Variants in KIF1B observed in about 807,000 individuals in gnomAD.
KIF1B encodes the protein kinesin family member 1B.
In KIF1B, 76 loss-of-function variants were observed where a neutral mutation model predicts 241.9. The ratio of observed to expected loss-of-function variants is 0.31; its 90% confidence interval spans 0.26 to 0.38. The LOEUF (loss-of-function observed/expected upper bound fraction) is 0.38, where lower values mean the gene tolerates loss of function less well. Ranked by LOEUF, KIF1B falls within the 10% of genes least tolerant of loss-of-function variation. The probability of loss-of-function intolerance (pLI) is 1.00; values close to 1 mark genes in which losing one functional copy is unlikely to be tolerated. For synonymous variants in KIF1B, 750 were observed against 796.7 expected, an observed-to-expected ratio of 0.94 and a Z score of 0.99; for missense variants, 1,622 against 2,271.4, an observed-to-expected ratio of 0.71 and a Z score of 5.81.
chr1:10,379,226 A>C lies in KIF1B; in HGVS notation c.*2639A>C, dbSNP rs1388094651. The C allele has an allele frequency of 4.3e-6, 1 of 232,216 alleles. No individual in the cohort carries two copies. Among genetic ancestry groups the C allele is most frequent in the Non-Finnish European group, 8.5e-6 (1 of 117,218 alleles). The allele number at this position is 232,216 out of a possible 1,614,324, so 14.4% of individuals were successfully genotyped here. On this transcript the variant is annotated 3_prime_UTR_variant, in exon 49 of 49. Coordinates refer to ENST00000676179, the MANE Select transcript of KIF1B (RefSeq NM_001365951.3). Reference sequence around the variant, plus strand: ...TGAAATTATGTGATACACTGAAATGACTTTTGTTTTTCTTCTAACTCATAC... The same window carrying C: ...TGAAATTATGTGATACACTGAAATGCCTTTTGTTTTTCTTCTAACTCATAC...
At chr1:10,299,029 T>C (rs917515029) in intron 22 of KIF1B, 16 of 145,856 alleles carry the variant, frequency 1.1e-4, no homozygotes, top group African/African-American at 3.8e-4. Context: ...GCATGGCCCC[T>C]GCGCAAGGAT....
rs1226609313 is a variant in KIF1B, at chr1:10,282,386, C to A, written c.1287C>A (p.Gly429=). 2 of 1,614,074 alleles carry A rather than the reference C, an allele frequency of 1.2e-6. No homozygotes were observed. Among genetic ancestry groups the A allele is most frequent in the Non-Finnish European group, 1.7e-6 (2 of 1,180,028 alleles). ...YLLASENQRP[G]HFSTASMGSL... is the part of the protein sequence containing the mutation. ...TAGCCTCTGAGAATCAACGCCCTGG[C>A]CATTTTTCCACAGCATCCATGGGGT... The change falls in exon 15 of 49, where the codon GGC becomes GGA. Residue 429 remains glycine, a synonymous_variant. Coordinates refer to ENST00000676179, the MANE Select transcript of KIF1B (RefSeq NM_001365951.3).
chr1:10,232,092 AC>A lies in KIF1B; in HGVS notation c.-79-157del, dbSNP rs1646990947. ...AAGACCCCATCTCTTAAAAAACAAA[AC>A]AAAACAAAACAAAAGATTTGCACGG... On this transcript the variant is annotated intron_variant, in intron 1 of 48. Coordinates refer to ENST00000676179, the MANE Select transcript of KIF1B (RefSeq NM_001365951.3). Among the ~76,000 whole-genome samples the A allele has an allele frequency of 1.3e-5, 2 of 152,128 alleles. 1 individual carries two copies. Among genetic ancestry groups the A allele is most frequent in the African/African-American group, 4.8e-5 (2 of 41,428 alleles).
At chr1:10,276,292 G>A (rs757632558) in intron 11 of KIF1B, 29 bp from the exon 12 acceptor site, 4 of 1,523,456 alleles carry the variant, frequency 2.6e-6, no homozygotes, top group Middle Eastern at 1.7e-4. Context: ...AAATGAGTGT[G>A]ATTTGATACT....
intron 1 of KIF1B, among the ~76,000 whole-genome samples, chr1:10,212,858 A>C (rs1646710084): frequency 6.9e-6 from 1 of 144,396 alleles, no homozygotes; most frequent in Non-Finnish European, 1.5e-5. Context: ...AAAAATGTGT[A>C]TATATATATG....
At chr1:10,334,191 C>T (rs574304877) in intron 27 of KIF1B, among the ~76,000 whole-genome samples, 2 of 148,664 alleles carry the variant, frequency 1.3e-5, no homozygotes, top group African/African-American at 2.5e-5. Context: ...TGAATGGGCT[C>T]CTCCTCCAAC....
intron 44 of KIF1B, 34 bp from the exon 45 acceptor site, chr1:10,371,107 T>A: frequency 6.2e-7 from 1 of 1,614,150 alleles, no homozygotes; most frequent in Non-Finnish European, 8.5e-7. Flanking sequence ...TTTTTTCAGC[T>A]GAATGTAACT....
chr1:10,243,697 A>G (rs993184590), intron 2 of KIF1B, among the ~76,000 whole-genome samples: 15 of 152,198 alleles, frequency 9.9e-5, no homozygotes, highest in Admixed American at 4.6e-4. Flanking sequence ...AGAGCATATC[A>G]CCTCTCACAA....
At position 10,359,003 on chromosome 1, in the gene KIF1B, G is replaced by A. The variant is rs539961392; in HGVS notation, c.4056-1926G>A. On this transcript the variant is annotated intron_variant, in intron 38 of 48. Coordinates refer to ENST00000676179, the MANE Select transcript of KIF1B (RefSeq NM_001365951.3). ...CTTGACCCACACTCACTGCCTCAAA[G>A]ACTAGACATTTGAGAGAGTATTAAG... is the stretch of plus-strand genomic sequence containing the variant. 7.2e-5 allele frequency among the ~76,000 whole-genome samples: 11 copies of A among 152,286 alleles called. No homozygotes were observed. In the South Asian group the frequency reaches 2.3e-3, roughly 32 times the overall value.
At chr1:10,223,525 T>G (rs929040906) in intron 1 of KIF1B, among the ~76,000 whole-genome samples, 14 of 136,966 alleles carry the variant, frequency 1.0e-4, no homozygotes, top group Admixed American at 3.8e-4. Context: ...TGCAAGGTGG[T>G]TTTTTTTTTT....
intron 22 of KIF1B, chr1:10,305,722 G>GT (rs1332740311): frequency 9.5e-7 from 1 of 1,057,240 alleles, no homozygotes; most frequent in Non-Finnish European, 1.1e-6. Context: ...ATGATTTATT[G>GT]TATCAATACC....
At position 10,304,228 on chromosome 1, in the gene KIF1B, G is replaced by A; in HGVS notation, c.2115+6982G>A. The A allele has an allele frequency of 2.5e-6, 4 of 1,614,196 alleles. No homozygotes were observed. The South Asian group carries it at 4.4e-5, about 18-fold the overall frequency. ...AAAAGGGGGTAAAGGAGCTTTTAAG[G>A]ATCCCCAGTTTCCATGGGGCTCTCA... On this transcript the variant is annotated intron_variant, in intron 22 of 48. Transcript: ENST00000676179.
Position 10,297,056 on chromosome 1 carries a change from T to G in KIF1B, c.2021T>G (p.Met674Arg). The G allele has an allele frequency of 6.2e-7, 1 of 1,613,918 alleles. No individual in the cohort carries two copies. Among genetic ancestry groups the G allele is most frequent in the Non-Finnish European group, 8.5e-7 (1 of 1,179,984 alleles). Residue 674 changes from methionine to arginine, a missense_variant, in exon 21 of 49, where the codon ATG (methionine) becomes AGG (arginine). Coordinates refer to ENST00000676179, the MANE Select transcript of KIF1B (RefSeq NM_001365951.3). ...CTTCTGGAAAAACAAGGAATTGATA[T>G]GAAACAAGAGATGGAGAAAAGGTAA... ...RELLEKQGIDMKQEMEKRLQE... is the reference protein window; with the variant it reads ...RELLEKQGIDRKQEMEKRLQE...
chr1:10,229,816 G>A (rs1158971093), intron 1 of KIF1B, among the ~76,000 whole-genome samples: 6 of 140,166 alleles, frequency 4.3e-5, no homozygotes, highest in East Asian at 2.1e-4. Context: ...AGCCGAGATC[G>A]CGCCACTGCA....
intron 27 of KIF1B, among the ~76,000 whole-genome samples, 183 bp from the exon 28 acceptor site, chr1:10,334,337 T>A (rs542634022): frequency 6.6e-6 from 1 of 152,236 alleles, no homozygotes; most frequent in East Asian, 1.9e-4. Context: ...AAGCGTTTGC[T>A]TGTTCATTAT....
intron 1 of KIF1B, among the ~76,000 whole-genome samples, chr1:10,217,352 T>C (rs550547414): frequency 6.5e-4 from 98 of 150,942 alleles, no homozygotes; most frequent in African/African-American, 2.3e-3. Flanking sequence ...TCTTTTTTTT[T>C]TTTTTTTGAG....
chr1:10,309,186 C>T (rs147411681), intron 22 of KIF1B, among the ~76,000 whole-genome samples: 23 of 152,294 alleles, frequency 1.5e-4, no homozygotes, highest in African/African-American at 4.3e-4. Context: ...AACATAATCA[C>T]GCATCATGGG....
chr1:10,299,783 G>A (rs1650447164), intron 22 of KIF1B, among the ~76,000 whole-genome samples: 1 of 151,988 alleles, frequency 6.6e-6, no homozygotes, highest in African/African-American at 2.4e-5. Flanking sequence ...CACAGTTTTG[G>A]GATCTTCTCT....
chr1:10,267,326 C>T, intron 5 of KIF1B, 54 bp from the exon 6 acceptor site: 3 of 1,556,488 alleles, frequency 1.9e-6, no homozygotes, highest in South Asian at 1.1e-5. Flanking sequence ...CCGCGCCCGG[C>T]TTCTGTATGT....
Sources: gnomAD v4.1 joint callset for allele counts (sites outside exome capture counted in the v4.1 genomes callset) on GRCh38, gnomAD v4.1.1 for gene constraint, MANE v1.5 for transcripts, NCBI Gene and HGNC (gene_info 2026-07-23, HGNC 2026-07-21) for gene names.